The following TPD52 variants were observed in gnomAD, a reference collection of about 807,000 sequenced individuals.
TPD52 encodes prostate and colon associated protein.
Under a neutral mutation model 31.3 loss-of-function variants are expected in TPD52, and 17 were observed. That is an observed-to-expected ratio of 0.54 (90% CI 0.37 to 0.82). The LOEUF (loss-of-function observed/expected upper bound fraction) is 0.82, where lower values mean the gene tolerates loss of function less well. Ranked by LOEUF, TPD52 falls within the 40% of genes least tolerant of loss-of-function variation. The probability of loss-of-function intolerance (pLI) is 0.00; values close to 1 mark genes in which losing one functional copy is unlikely to be tolerated. For missense variants in TPD52, 212 were observed against 240.1 expected (o/e 0.88, Z 0.77); for synonymous variants, 83 against 89.6 (o/e 0.93, Z 0.42).
At chr8:80,065,066 A>C (rs998236536) in intron 1 of TPD52, among the ~76,000 whole-genome samples, 1 of 152,134 alleles carries the variant, frequency 6.6e-6, no homozygotes, top group Non-Finnish European at 1.5e-5. Context: ...TGAATGAACT[A>C]AATGTCCTAA....
intron 1 of TPD52, among the ~76,000 whole-genome samples, chr8:80,066,376 AAC>A (rs1400535789): frequency 2.0e-5 from 3 of 152,234 alleles, no homozygotes. Flanking sequence ...GCATAAAAGT[AAC>A]ACAAAAAATT....
intron 2 of TPD52, among the ~76,000 whole-genome samples, chr8:80,061,388 A>AC (rs1812535586): frequency 3.3e-5 from 3 of 91,566 alleles, no homozygotes; most frequent in African/African-American, 3.8e-5. Flanking sequence ...CCCCCCCCAA[A>AC]AAAAAAAGAA....
At chr8:80,123,708 G>C (rs571398957) in intron 1 of TPD52, among the ~76,000 whole-genome samples, 3 of 152,212 alleles carry the variant, frequency 2.0e-5, no homozygotes, top group Non-Finnish European at 4.4e-5. Context: ...CAGAATTGTA[G>C]CTGAAAACTT....
At chr8:80,044,250 T>A (rs780719317) in intron 5 of TPD52, 42 bp from the exon 6 acceptor site, 1 of 1,463,142 alleles carries the variant, frequency 6.8e-7, no homozygotes. Flanking sequence ...AAGGTTAGTA[T>A]AGTGGTGCTT....
At chr8:80,106,857 C>A (rs983044447) in intron 1 of TPD52, among the ~76,000 whole-genome samples, 3 of 143,728 alleles carry the variant, frequency 2.1e-5, no homozygotes, top group African/African-American at 7.7e-5. Context: ...CATAAATAAC[C>A]TTTTTTTTTT....
chr8:80,149,318 T>C (rs1479971849), intron 1 of TPD52, among the ~76,000 whole-genome samples: 1 of 152,228 alleles, frequency 6.6e-6, no homozygotes, highest in Non-Finnish European at 1.5e-5. Flanking sequence ...TCCTTGCCTG[T>C]TGCCATGTAA....
chr8:80,171,287 T>G (rs765186040), intron 1 of TPD52, 138 bp downstream of exon 1: 1 of 1,135,976 alleles, frequency 8.8e-7, no homozygotes, highest in African/African-American at 1.5e-5. Context: ...ATCCGGGAGA[T>G]GCAACTTGCG....
chr8:80,067,991 TAAG>T (rs1813347950), intron 1 of TPD52, among the ~76,000 whole-genome samples: 1 of 151,928 alleles, frequency 6.6e-6, no homozygotes, highest in Non-Finnish European at 1.5e-5. Context: ...AGGTGGAAAA[TAAG>T]AACATTTAAA....
chr8:80,122,342 A>G (rs1808315241), intron 1 of TPD52, among the ~76,000 whole-genome samples: 1 of 152,236 alleles, frequency 6.6e-6, no homozygotes, highest in Admixed American at 6.5e-5. Context: ...ACAGAAGCTG[A>G]GCAGCCAAAA....
At position 80,095,255 on chromosome 8, in the gene TPD52, A is replaced by G. The variant is rs563305947; in HGVS notation, c.20-30662T>C. Among the ~76,000 whole-genome samples the G allele has an allele frequency of 4.3e-4, 65 of 152,332 alleles. 1 individual carries two copies. The highest frequency in any genetic ancestry group is 7.3e-4 in the Non-Finnish European group (50 of 68,028). On this transcript the variant is annotated intron_variant, in intron 1 of 7. Coordinates refer to ENST00000518937, the MANE Select transcript of TPD52 (RefSeq NM_001025253.3). ...AAACTTTAAATGCATATTATTGACA[A>G]AAGCCAATCTGAAAAGCCAAAATAC...
intron 1 of TPD52, among the ~76,000 whole-genome samples, chr8:80,106,216 C>T (rs1309105741): frequency 6.6e-6 from 1 of 152,018 alleles, no homozygotes; most frequent in Non-Finnish European, 1.5e-5. Flanking sequence ...GGTGTCCATC[C>T]CCTCAAGCAT....
At chr8:80,157,612 T>C (rs186358680) in intron 1 of TPD52, among the ~76,000 whole-genome samples, 2 of 152,292 alleles carry the variant, frequency 1.3e-5, no homozygotes, top group South Asian at 2.1e-4. Context: ...ATCAGTCCCA[T>C]AGCCAAGGCA....
At chr8:80,054,846 CAG>C (rs775218710) in intron 2 of TPD52, among the ~76,000 whole-genome samples, 33 of 152,142 alleles carry the variant, frequency 2.2e-4, no homozygotes, top group Non-Finnish European at 4.3e-4. Flanking sequence ...CTGTGCTTGT[CAG>C]AGTCACAAGT....
Position 80,147,423 on chromosome 8 carries a change from T to C in TPD52, c.19+24002A>G, listed in dbSNP as rs536529289. On this transcript the variant is annotated intron_variant, in intron 1 of 7. Coordinates refer to ENST00000518937, the MANE Select transcript of TPD52 (RefSeq NM_001025253.3). ...CAATCAGAATTTTACTCCAAAACTC[T>C]CAACAGAGTTCAGCTGGTCTTACTG... Among the ~76,000 whole-genome samples, 94 of 152,102 alleles carry C rather than the reference T, an allele frequency of 6.2e-4. 1 individual carries two copies. The highest frequency in any genetic ancestry group is 1.2e-3 in the Non-Finnish European group (82 of 68,020).
chr8:80,039,784 A>G (rs951880571), intron 7 of TPD52, among the ~76,000 whole-genome samples: 2 of 151,990 alleles, frequency 1.3e-5, no homozygotes, highest in African/African-American at 4.8e-5. Context: ...CATTCCCTTC[A>G]ACCTAAAATC....
chr8:80,136,380 C>T (rs187025603), intron 1 of TPD52, among the ~76,000 whole-genome samples: 3,216 of 150,646 alleles, frequency 0.021, 123 homozygotes, highest in African/African-American at 0.074. Context: ...AAAAATTAGC[C>T]GGGCGTGGTG....
At chr8:80,120,839 G>A (rs1450195154) in intron 1 of TPD52, among the ~76,000 whole-genome samples, 1 of 152,094 alleles carries the variant, frequency 6.6e-6, no homozygotes, top group Non-Finnish European at 1.5e-5. Flanking sequence ...CAGCACTTTG[G>A]GAGGCTGAAG....
At chr8:80,102,855 C>T (rs565141567) in intron 1 of TPD52, among the ~76,000 whole-genome samples, 2 of 152,234 alleles carry the variant, frequency 1.3e-5, no homozygotes, top group East Asian at 1.9e-4. Context: ...AATCGATTAA[C>T]CAACAGCCAA....
chr8:80,039,063 T>C (rs895958058), intron 7 of TPD52, among the ~76,000 whole-genome samples: 2 of 152,254 alleles, frequency 1.3e-5, no homozygotes, highest in Non-Finnish European at 2.9e-5. Context: ...TGACCATGGA[T>C]GCAAGAAGCT....
Sources: gnomAD v4.1 joint callset for allele counts (sites outside exome capture counted in the v4.1 genomes callset) on GRCh38, gnomAD v4.1.1 for gene constraint, MANE v1.5 for transcripts, NCBI Gene and HGNC (gene_info 2026-07-23, HGNC 2026-07-21) for gene names.